CDYL2: variants seen among roughly 807,000 people sequenced by gnomAD.
CDYL2 encodes the protein chromodomain Y like 2.
Under a neutral mutation model 49.4 loss-of-function variants are expected in CDYL2, and 23 were observed. The ratio of observed to expected loss-of-function variants is 0.47; its 90% CI spans 0.34 to 0.66. The LOEUF is 0.66. CDYL2 is among the 30% of genes least tolerant of loss of function. The pLI is 0.01. For missense variants in CDYL2, 678 were observed against 656.4 expected (o/e 1.03, Z -0.36); for synonymous variants, 360 against 268.8 (o/e 1.34, Z -3.32).
chr16:80,717,715 T>G (rs556183708), intron 1 of CDYL2, among the ~76,000 whole-genome samples: 2 of 152,160 alleles, frequency 1.3e-5, no homozygotes, highest in East Asian at 1.9e-4. Context: ...CCTTGGGAAG[T>G]TGGCCAGGAT....
intron 1 of CDYL2, among the ~76,000 whole-genome samples, chr16:80,752,347 G>C (rs1015561109): frequency 6.6e-6 from 1 of 151,996 alleles, no homozygotes; most frequent in African/African-American, 2.4e-5. Flanking sequence ...AATAAAGAAA[G>C]AACAGAGTAA....
In CDYL2 at chr16:80,702,300, T is replaced by C. The variant is rs150887066; in HGVS notation, c.25-17171A>G. Among the ~76,000 whole-genome samples, 915 of 152,020 alleles carry C rather than the reference T, an allele frequency of 6.0e-3. 7 individuals are homozygous for C. Among genetic ancestry groups the C allele is most frequent in the African/African-American group, 0.021 (863 of 41,434 alleles). On this transcript the variant is annotated intron_variant, in intron 1 of 6. Transcript: ENST00000570137. ...ATTGAAAGACATCCCATGTTCAAAA[T>C]AATATTTTGCTCAGAAAAGCACGTT...
In CDYL2 at chr16:80,697,379, T is replaced by C. The variant is rs568366727; in HGVS notation, c.25-12250A>G. On this transcript the variant is annotated intron_variant, in intron 1 of 6. Transcript: ENST00000570137. ...TTTAATAAAATTCAGCATCTCATCA[T>C]GATAAAAACTCTCAACAAATCAGGT... Among the ~76,000 whole-genome samples the C allele has an allele frequency of 4.6e-5, 7 of 152,310 alleles. No individual in the cohort carries two copies. The East Asian group carries it at 7.7e-4, about 17-fold the overall frequency.
At chr16:80,720,668 T>C (rs1904967307) in intron 1 of CDYL2, among the ~76,000 whole-genome samples, 1 of 152,204 alleles carries the variant, frequency 6.6e-6, no homozygotes, top group Admixed American at 6.5e-5. Context: ...CTTCCTGGGA[T>C]TCAGGGTGCA....
At chr16:80,670,658 G>A (rs559290149) in intron 2 of CDYL2, among the ~76,000 whole-genome samples, 18 of 152,210 alleles carry the variant, frequency 1.2e-4, no homozygotes, top group South Asian at 4.1e-4. Flanking sequence ...CTCCGTGGAC[G>A]GCAACGTCTT....
In CDYL2 at chr16:80,712,187, G is replaced by GTATATATA. The variant is rs1464649825; in HGVS notation, c.25-27059_25-27058insTATATATA. On this transcript the variant is annotated intron_variant, in intron 1 of 6. Transcript: ENST00000570137. Reference sequence around the variant, plus strand: ...TATATATATGTGTCTTTGTGTCTGTGTGTGTATATATATATATATATATAT... The same window carrying GTATATATA: ...TATATATATGTGTCTTTGTGTCTGTGTATATATATGTGTATATATATATATATATATAT... Among the ~76,000 whole-genome samples the GTATATATA allele has an allele frequency of 7.6e-3, 288 of 38,050 alleles. 8 individuals carry two copies. The highest frequency in any genetic ancestry group is 0.011 in the Admixed American group (33 of 2,890). 25.0% of individuals were successfully genotyped at this position (38,050 alleles called of 152,430 possible).
At chr16:80,666,591 C>G (rs1480713717) in intron 2 of CDYL2, among the ~76,000 whole-genome samples, 1 of 152,146 alleles carries the variant, frequency 6.6e-6, no homozygotes, top group Non-Finnish European at 1.5e-5. Flanking sequence ...ACAACAATCA[C>G]CAGATGAGCC....
At chr16:80,759,621 T>C (rs1906459556) in intron 1 of CDYL2, among the ~76,000 whole-genome samples, 1 of 152,224 alleles carries the variant, frequency 6.6e-6, no homozygotes, top group Non-Finnish European at 1.5e-5. Context: ...TTGCTACTTC[T>C]GTGGCTTCTC....
intron 2 of CDYL2, among the ~76,000 whole-genome samples, chr16:80,666,794 G>A (rs991211087): frequency 2.6e-5 from 4 of 152,266 alleles, no homozygotes; most frequent in Admixed American, 1.3e-4. Flanking sequence ...CTGGCCTCAG[G>A]ACCCCCATCT....
At chr16:80,712,679 T>G (rs1344305543) in intron 1 of CDYL2, among the ~76,000 whole-genome samples, 1 of 152,086 alleles carries the variant, frequency 6.6e-6, no homozygotes, top group African/African-American at 2.4e-5. Context: ...AAAAGGTGCC[T>G]ATGGGTAACA....
At chr16:80,789,301 T>C (rs1005622798) in intron 1 of CDYL2, among the ~76,000 whole-genome samples, 2 of 152,232 alleles carry the variant, frequency 1.3e-5, no homozygotes, top group South Asian at 2.1e-4. Context: ...GAAATCATTA[T>C]ATTAAAGAGA....
chr16:80,804,846 G>A (rs550112426), upstream of CDYL2, among the ~76,000 whole-genome samples: 111 of 151,760 alleles, frequency 7.3e-4, no homozygotes, highest in Middle Eastern at 0.017. Context: ...GGCTGCGGCT[G>A]CAGACCTCAG....
intron 2 of CDYL2, among the ~76,000 whole-genome samples, chr16:80,658,754 A>G (rs568302895): frequency 6.6e-6 from 1 of 152,328 alleles, no homozygotes; most frequent in Non-Finnish European, 1.5e-5. Context: ...TGTAGATCCC[A>G]CATGTTGGTT....
chr16:80,764,262 G>C (rs767662432), intron 1 of CDYL2, among the ~76,000 whole-genome samples: 1 of 152,272 alleles, frequency 6.6e-6, no homozygotes, highest in Non-Finnish European at 1.5e-5. Flanking sequence ...TCAAACAGTA[G>C]AGAGTACCTA....
chr16:80,706,497 T>C (rs181898771), intron 1 of CDYL2, among the ~76,000 whole-genome samples: 1 of 152,310 alleles, frequency 6.6e-6, no homozygotes, highest in African/African-American at 2.4e-5. Context: ...CATGATCACA[T>C]TGTTGCACGT....
chr16:80,661,700 C>G lies in CDYL2; in HGVS notation c.616+22838G>C, dbSNP rs147693210. Among the ~76,000 whole-genome samples the G allele has an allele frequency of 4.8e-3, 724 of 152,276 alleles. 7 individuals are homozygous for G. The highest frequency in any genetic ancestry group is 0.017 in the African/African-American group (686 of 41,538). On this transcript the variant is annotated intron_variant, in intron 2 of 6. Transcript: ENST00000570137. ...CTGCTTTTGTTTTCCAGAGCCTAGT[C>G]TTTGCTGAACAAAGGAGGAAAGAAA...
At chr16:80,679,460 T>G (rs1909888236) in intron 2 of CDYL2, among the ~76,000 whole-genome samples, 1 of 152,048 alleles carries the variant, frequency 6.6e-6, no homozygotes, top group African/African-American at 2.4e-5. Context: ...AAATTTGCAG[T>G]CAAATTGCCT....
At chr16:80,782,831 G>C (rs1054794694) in intron 1 of CDYL2, among the ~76,000 whole-genome samples, 1 of 152,006 alleles carries the variant, frequency 6.6e-6, no homozygotes, top group East Asian at 1.9e-4. Context: ...TGAAAAACTA[G>C]TAATAAAATG....
intron 1 of CDYL2, among the ~76,000 whole-genome samples, chr16:80,707,642 T>G (rs978712856): frequency 1.3e-5 from 2 of 152,110 alleles, no homozygotes; most frequent in African/African-American, 4.8e-5. Flanking sequence ...TCCAGATGCT[T>G]TGGTGGTGTC....
Sources: gnomAD v4.1 joint callset for allele counts (sites outside exome capture counted in the v4.1 genomes callset) on GRCh38, gnomAD v4.1.1 for gene constraint, MANE v1.5 for transcripts, NCBI Gene and HGNC (gene_info 2026-07-23, HGNC 2026-07-21) for gene names.